WDR41: variants seen among roughly 807,000 people sequenced by gnomAD.
WDR41 encodes the protein WD repeat-containing protein 41.
Under a neutral mutation model 69.3 loss-of-function variants are expected in WDR41, and 63 were observed. That is an observed-to-expected ratio of 0.91 (90% CI 0.74 to 1.12). The LOEUF is 1.12. Among genes scored for constraint, WDR41 ranks in the 50% most tolerant of loss-of-function variants. The pLI, the probability that WDR41 is intolerant of heterozygous loss-of-function variation, is 0.00. For missense variants in WDR41, 543 were observed against 534.5 expected (o/e 1.02, Z -0.16); for synonymous variants, 185 against 192.1 (o/e 0.96, Z 0.31).
intron 1 of WDR41, among the ~76,000 whole-genome samples, chr5:77,613,717 T>G (rs1275840682): frequency 1.3e-5 from 2 of 152,210 alleles, no homozygotes; most frequent in East Asian, 3.8e-4. Flanking sequence ...GGCATTACCA[T>G]TCAGGACATA....
chr5:77,457,180 T>C (rs1303760557), intron 5 of WDR41, among the ~76,000 whole-genome samples: 2 of 152,188 alleles, frequency 1.3e-5, no homozygotes, highest in Admixed American at 6.5e-5. Context: ...TTTTGTCCTT[T>C]ATTCTTACTA....
At chr5:77,567,969 C>A (rs1396326115) in intron 1 of WDR41, among the ~76,000 whole-genome samples, 3 of 151,944 alleles carry the variant, frequency 2.0e-5, no homozygotes, top group Non-Finnish European at 4.4e-5. Context: ...GATATCCCTG[C>A]CATTGGTTTC....
At position 77,469,241 on chromosome 5, in the gene WDR41, G is replaced by A. The variant is rs145490663; in HGVS notation, c.168-4432C>T. ...GGAACATCACACACCAGGGCCTGTC[G>A]TGGGGTGGGGGTAGGGGGGAGGGAT... On this transcript the variant is annotated intron_variant, in intron 2 of 12. Transcript: ENST00000296679. Among the ~76,000 whole-genome samples the A allele has an allele frequency of 9.3e-3, 1,420 of 152,086 alleles. 7 individuals carry two copies. The highest frequency in any genetic ancestry group is 0.02 in the Middle Eastern group (6 of 294).
At chr5:77,620,100 A>G (rs1185321304) in intron 1 of WDR41, among the ~76,000 whole-genome samples, 2 of 152,178 alleles carry the variant, frequency 1.3e-5, no homozygotes, top group Admixed American at 1.3e-4. Flanking sequence ...CAAAGAAAGA[A>G]TATTTTCTTC....
chr5:77,562,043 G>C (rs1047872630), intron 1 of WDR41, among the ~76,000 whole-genome samples: 4 of 152,148 alleles, frequency 2.6e-5, no homozygotes, highest in East Asian at 1.9e-4. Context: ...GTCACCTATT[G>C]TAAGTTGTGA....
chr5:77,517,230 G>A (rs1438044810), intron 1 of WDR41, among the ~76,000 whole-genome samples: 2 of 151,796 alleles, frequency 1.3e-5, no homozygotes, highest in African/African-American at 4.8e-5. Context: ...TGGATCTAGG[G>A]GAACTGCTAC....
At chr5:77,575,867 G>A (rs552705691) in intron 1 of WDR41, among the ~76,000 whole-genome samples, 2 of 152,188 alleles carry the variant, frequency 1.3e-5, no homozygotes, top group African/African-American at 2.4e-5. Context: ...TATTCCTATA[G>A]TTGAACAAAA....
At chr5:77,467,766 A>C (rs536260245) in intron 2 of WDR41, among the ~76,000 whole-genome samples, 13 of 152,198 alleles carry the variant, frequency 8.5e-5, no homozygotes, top group Non-Finnish European at 1.5e-4. Flanking sequence ...AAATAGATTG[A>C]TTAATGATGG....
chr5:77,470,422 A>T (rs547709924), intron 2 of WDR41, among the ~76,000 whole-genome samples: 3 of 152,168 alleles, frequency 2.0e-5, no homozygotes, highest in African/African-American at 7.2e-5. Flanking sequence ...AAATTCACAC[A>T]TAACAATATT....
chr5:77,554,970 G>A (rs182567167), intron 1 of WDR41, among the ~76,000 whole-genome samples: 181 of 152,072 alleles, frequency 1.2e-3, no homozygotes, highest in Non-Finnish European at 1.8e-3. Context: ...GCATACACCT[G>A]TAGCCCCAGC....
chr5:77,461,108 T>C (rs1419676883), intron 4 of WDR41, among the ~76,000 whole-genome samples: 2 of 152,212 alleles, frequency 1.3e-5, no homozygotes, highest in Non-Finnish European at 2.9e-5. Flanking sequence ...TGCTATAGTG[T>C]CTTAGGAGTG....
At chr5:77,462,518 A>G (rs1800118241) in intron 4 of WDR41, among the ~76,000 whole-genome samples, 1 of 152,186 alleles carries the variant, frequency 6.6e-6, no homozygotes, top group East Asian at 1.9e-4. Context: ...GTTACACATA[A>G]GCACTTTACT....
chr5:77,464,667 ATG>A, intron 3 of WDR41, 92 bp downstream of exon 3: 1 of 1,249,800 alleles, frequency 8.0e-7, no homozygotes. Flanking sequence ...TAACAGTGAT[ATG>A]TAAATGTATC....
At chr5:77,596,700 G>A (rs1017348542) in intron 1 of WDR41, among the ~76,000 whole-genome samples, 1 of 152,082 alleles carries the variant, frequency 6.6e-6, no homozygotes, top group East Asian at 1.9e-4. Context: ...AACTAGCACA[G>A]TTTTGTGCCA....
At chr5:77,444,312 C>T (rs1180440830) in intron 8 of WDR41, among the ~76,000 whole-genome samples, 1 of 152,174 alleles carries the variant, frequency 6.6e-6, no homozygotes, top group African/African-American at 2.4e-5. Flanking sequence ...TCAAAAGCCA[C>T]TTAGTATGAA....
At chr5:77,433,913 G>A (rs1362416787) in intron 12 of WDR41, among the ~76,000 whole-genome samples, 1 of 152,176 alleles carries the variant, frequency 6.6e-6, no homozygotes, top group African/African-American at 2.4e-5. Context: ...GGAATAGGCT[G>A]GAAGCTAAGA....
intron 1 of WDR41, among the ~76,000 whole-genome samples, chr5:77,601,711 C>T (rs548833121): frequency 1.3e-5 from 2 of 152,314 alleles, no homozygotes; most frequent in East Asian, 1.9e-4. Flanking sequence ...TCTCTCCTTA[C>T]CTGGTGCCTC....
At chr5:77,492,082 G>A (rs1361625932) in intron 1 of WDR41, 88 bp downstream of exon 1, 13 of 1,501,146 alleles carry the variant, frequency 8.7e-6, no homozygotes, top group Non-Finnish European at 1.2e-5. Flanking sequence ...CCGGGTCCCC[G>A]CGGTCGGAAC....
chr5:77,509,346 G>A (rs77233438), intron 1 of WDR41, among the ~76,000 whole-genome samples: 274 of 152,086 alleles, frequency 1.8e-3, no homozygotes, highest in Middle Eastern at 3.4e-3. Flanking sequence ...AAATGAAGGG[G>A]TCCCAGCAAT....
Sources: allele counts gnomAD v4.1 joint callset (sites outside exome capture counted in the v4.1 genomes callset), GRCh38; gene constraint gnomAD v4.1.1; transcripts MANE v1.5; gene names NCBI Gene and HGNC (gene_info 2026-07-23, HGNC 2026-07-21).